ZNF573: variants seen among roughly 807,000 people sequenced by gnomAD.
ZNF573 encodes zinc finger protein 573.
ZNF573 carries 41 observed loss-of-function variants against 57.4 expected under a neutral mutation model. That is an observed-to-expected ratio of 0.71 (90% confidence interval 0.56 to 0.93). The LOEUF (loss-of-function observed/expected upper bound fraction) is 0.93, where lower values mean the gene tolerates loss of function less well. ZNF573 is among the 40% of genes least tolerant of loss of function. The pLI is 0.00. For missense variants in ZNF573, 730 were observed against 794.8 expected (o/e 0.92, Z 0.98); for synonymous variants, 249 against 261.0 (o/e 0.95, Z 0.44).
At chr19:37,760,202 C>G (rs968847394) in intron 4 of ZNF573, among the ~76,000 whole-genome samples, 2 of 152,178 alleles carry the variant, frequency 1.3e-5, no homozygotes, top group Non-Finnish European at 2.9e-5. Flanking sequence ...AAGCCTAGAT[C>G]TGGATTTCTA....
At chr19:37,777,575 T>C (rs555899484) in intron 1 of ZNF573, among the ~76,000 whole-genome samples, 67 of 152,096 alleles carry the variant, frequency 4.4e-4, no homozygotes, top group Non-Finnish European at 9.0e-4. Flanking sequence ...TGTTCTCATT[T>C]ATGAGTGGAA....
intron 4 of ZNF573, 43 bp from the exon 5 acceptor site, chr19:37,740,237 C>T (rs2045314900): frequency 2.0e-6 from 3 of 1,491,920 alleles, no homozygotes; most frequent in Non-Finnish European, 2.7e-6. Context: ...TATTTCTATA[C>T]CAGAGAACAA....
intron 4 of ZNF573, among the ~76,000 whole-genome samples, chr19:37,741,303 C>A (rs2045325158): frequency 6.6e-6 from 1 of 152,176 alleles, no homozygotes; most frequent in Non-Finnish European, 1.5e-5. Flanking sequence ...CTTGCTCTGT[C>A]ACTCAGGCTG....
chr19:37,745,570 A>T (rs1470023741), intron 4 of ZNF573, among the ~76,000 whole-genome samples: 1 of 151,770 alleles, frequency 6.6e-6, no homozygotes, highest in Non-Finnish European at 1.5e-5. Flanking sequence ...TAATTTTTGT[A>T]TTTTTAGTAG....
At chr19:37,752,926 C>T (rs1019912716) in intron 4 of ZNF573, among the ~76,000 whole-genome samples, 4 of 152,168 alleles carry the variant, frequency 2.6e-5, no homozygotes, top group Admixed American at 2.6e-4. Flanking sequence ...TGAGCCATGG[C>T]ATTTGAACTG....
At chr19:37,759,091 G>T (rs1472172861) in intron 4 of ZNF573, 9 of 490,656 alleles carry the variant, frequency 1.8e-5, no homozygotes, top group Non-Finnish European at 2.4e-5. Flanking sequence ...AGGACTGCTT[G>T]AGCCCAGGAG....
chr19:37,750,857 C>T (rs923609814), intron 4 of ZNF573, among the ~76,000 whole-genome samples: 8 of 150,120 alleles, frequency 5.3e-5, no homozygotes, highest in East Asian at 1.9e-4. Context: ...AAGTCAACTG[C>T]CTTTTTCTTG....
At chr19:37,748,121 T>A (rs759641111) in intron 4 of ZNF573, among the ~76,000 whole-genome samples, 4 of 152,154 alleles carry the variant, frequency 2.6e-5, no homozygotes, top group Non-Finnish European at 5.9e-5. Context: ...GAAAAAACTG[T>A]CACAGAACAG....
chr19:37,752,642 CT>C (rs146702899), intron 4 of ZNF573, among the ~76,000 whole-genome samples: 10,944 of 151,866 alleles, frequency 0.072, 565 homozygotes, highest in African/African-American at 0.13. Context: ...TTTCTTTTCT[CT>C]TTTTTTCAGA....
intron 4 of ZNF573, among the ~76,000 whole-genome samples, chr19:37,742,025 C>T (rs938424930): frequency 2.0e-5 from 3 of 152,138 alleles, no homozygotes; most frequent in Admixed American, 6.5e-5. Flanking sequence ...TTCCTTTACA[C>T]CAACAATAGA....
intron 1 of ZNF573, among the ~76,000 whole-genome samples, chr19:37,775,383 T>C (rs901446536): frequency 6.6e-6 from 1 of 152,134 alleles, no homozygotes; most frequent in Non-Finnish European, 1.5e-5. Flanking sequence ...ACAGAATATA[T>C]TCACTAACTT....
At chr19:37,769,878 G>C (rs905510967) in intron 4 of ZNF573, 127 bp downstream of exon 4, 2 of 740,766 alleles carry the variant, frequency 2.7e-6, no homozygotes, top group Non-Finnish European at 4.7e-6. Flanking sequence ...TCCCAACCAG[G>C]TTGTAGGCCT....
In ZNF573 at chr19:37,777,294, G is replaced by T. The variant is rs1156353648; in HGVS notation, c.-23+2250C>A. Among the ~76,000 whole-genome samples, 13 of 152,250 alleles carry T rather than the reference G, an allele frequency of 8.5e-5. No homozygotes were observed. The East Asian group carries it at 2.5e-3, about 29-fold the overall frequency. ...CTCCCAAAATGCTGGGATTACAGGTGTGAGCCACTGCACCCAGACAGAAGT... is the reference window on the plus strand; with the variant it reads ...CTCCCAAAATGCTGGGATTACAGGTTTGAGCCACTGCACCCAGACAGAAGT... On this transcript the variant is annotated intron_variant, in intron 1 of 4. Coordinates refer to ENST00000536220, the MANE Select transcript of ZNF573 (RefSeq NM_001172690.2).
chr19:37,772,899 T>G (rs78760816), intron 2 of ZNF573: 2 of 969,188 alleles, frequency 2.1e-6, no homozygotes, highest in Non-Finnish European at 2.5e-6. Context: ...CCTCCCACAG[T>G]GCTGGGATTA....
intron 4 of ZNF573, among the ~76,000 whole-genome samples, chr19:37,744,157 T>C (rs1269938769): frequency 6.6e-6 from 1 of 151,736 alleles, no homozygotes; most frequent in African/African-American, 2.4e-5. Context: ...GTCACACAGA[T>C]ACACCAAAAA....
At chr19:37,774,037 G>A (rs972462251) in intron 1 of ZNF573, among the ~76,000 whole-genome samples, 6 of 151,772 alleles carry the variant, frequency 4.0e-5, no homozygotes, top group Non-Finnish European at 5.9e-5. Flanking sequence ...TTGAGATTAG[G>A]CTGCTCAGTT....
intron 4 of ZNF573, among the ~76,000 whole-genome samples, chr19:37,757,750 T>C (rs1434543114): frequency 6.6e-6 from 1 of 152,174 alleles, no homozygotes; most frequent in African/African-American, 2.4e-5. Flanking sequence ...CATGTATGTT[T>C]ATTGCGGCAC....
At chr19:37,759,562 C>A (rs952615598) in intron 4 of ZNF573, among the ~76,000 whole-genome samples, 1 of 151,886 alleles carries the variant, frequency 6.6e-6, no homozygotes, top group African/African-American at 2.4e-5. Context: ...CCTGTTTCTA[C>A]TAAAAATACA....
chr19:37,778,731 G>C (rs1236380172), intron 1 of ZNF573, among the ~76,000 whole-genome samples: 1 of 152,088 alleles, frequency 6.6e-6, no homozygotes, highest in Non-Finnish European at 1.5e-5. Flanking sequence ...GGACCAGGGA[G>C]GGAGAAAAAA....
Sources: allele counts gnomAD v4.1 joint callset (sites outside exome capture counted in the v4.1 genomes callset), GRCh38; gene constraint gnomAD v4.1.1; transcripts MANE v1.5; gene names NCBI Gene and HGNC (gene_info 2026-07-23, HGNC 2026-07-21).